ENOSF1: variants seen among roughly 807,000 people sequenced by gnomAD.
ENOSF1 encodes the protein mitochondrial enolase superfamily member 1.
Under a neutral mutation model 68.2 loss-of-function variants are expected in ENOSF1, and 73 were observed. The ratio of observed to expected loss-of-function variants is 1.07; its 90% CI spans 0.89 to 1.30. ENOSF1 has a LOEUF of 1.30. ENOSF1 is among the 50% of genes most tolerant of loss of function. The probability of loss-of-function intolerance (pLI) is 0.00; values close to 1 mark genes in which losing one functional copy is unlikely to be tolerated. For missense variants in ENOSF1, 589 were observed against 554.5 expected, an observed-to-expected ratio of 1.06 and a Z score of -0.62; for synonymous variants, 223 against 210.4, an observed-to-expected ratio of 1.06 and a Z score of -0.52.
Position 677,823 on chromosome 18 carries a change from T to G in ENOSF1, c.968A>C (p.Gln323Pro). The G allele has an allele frequency of 6.2e-7, 1 of 1,614,218 alleles. No homozygotes were observed. The highest frequency in any genetic ancestry group is 1.7e-5 in the Admixed American group (1 of 60,022). The part of the protein sequence containing the change: ...FKQLLQAKAL[Q>P]FLQIDSCRLG... The stretch of plus-strand genomic sequence containing the variant: ...TCTGCAACTGTCAATCTGGAGGAAC[T>G]GCAGGGCCTTCGCCTGTAGGAGTTG... Residue 323 changes from glutamine (Q) to proline (P), a missense_variant, in exon 13 of 16, where the codon CAG (glutamine) becomes CCG (proline). Transcript: ENST00000647584.
intron 1 of ENOSF1, among the ~76,000 whole-genome samples, chr18:710,259 C>A (rs1232337770): frequency 6.6e-6 from 1 of 152,160 alleles, no homozygotes; most frequent in Admixed American, 6.5e-5. Context: ...CAGGTGCATG[C>A]AACTACGCCC....
Position 697,503 on chromosome 18 carries a change from C to T in ENOSF1, c.194-148G>A, listed in dbSNP as rs9963315. 1.7e-4 allele frequency: 107 copies of T among 624,380 alleles called. No homozygotes were observed. The African/African-American group carries it at 1.7e-3, about 10-fold the overall frequency. The allele number at this position is 624,380 out of a possible 1,614,324, so 38.7% of individuals were successfully genotyped here. ...CGGTGGCTCATGCCTGTAATCTCAA[C>T]ACTTTGGGAGGCCACGGCAGGAGGA... On this transcript the variant is annotated intron_variant, in intron 2 of 15. Coordinates refer to ENST00000647584, the MANE Select transcript of ENOSF1 (RefSeq NM_017512.7).
chr18:693,570 G>C lies in ENOSF1; in HGVS notation c.423+312C>G, dbSNP rs1347248439. On this transcript the variant is annotated intron_variant, in intron 5 of 15. Transcript: ENST00000647584. ...TTAATTTTGTGAGGTTCCTAGAGAA[G>C]TTAGGATGATCCTCTTGTCATAGTC... The C allele has an allele frequency of 5.1e-6, 5 of 985,284 alleles. No individual in the cohort carries two copies. In the East Asian group the frequency reaches 5.7e-4, roughly 112 times the overall value. The allele number at this position is 985,284 out of a possible 1,614,324, so 61.0% of individuals were successfully genotyped here. A position where few individuals can be genotyped will look rare whatever the true frequency, so the allele number is the denominator to read the frequency against.
At position 674,165 on chromosome 18, in the gene ENOSF1, C is replaced by T; in HGVS notation, c.*140G>A. The T allele has an allele frequency of 1.6e-6, 1 of 630,272 alleles. No individual in the cohort carries two copies. The highest frequency in any genetic ancestry group is 2.8e-6 in the Non-Finnish European group (1 of 355,806). 39.0% of individuals were successfully genotyped at this position (630,272 alleles called of 1,614,324 possible). ...AAAGAATCAAGTAATAATTACTTAG[C>T]TGATTCCTGAGGGTGGTATGACTTC... On this transcript the variant is annotated 3_prime_UTR_variant, in exon 16 of 16. Coordinates refer to ENST00000647584, the MANE Select transcript of ENOSF1 (RefSeq NM_017512.7).
downstream of ENOSF1, among the ~76,000 whole-genome samples, chr18:667,316 AGATGGT>A (rs1291586647): frequency 1.5e-4 from 3 of 19,546 alleles, no homozygotes; most frequent in Non-Finnish European, 2.5e-4. Context: ...ATGGTGATGG[AGATGGT>A]GATGGTGATG....
downstream of ENOSF1, among the ~76,000 whole-genome samples, chr18:667,982 A>T (rs1195839203): frequency 1.0e-5 from 1 of 97,478 alleles, no homozygotes; most frequent in African/African-American, 5.4e-5. Flanking sequence ...TGTTTTACAG[A>T]TTCACAGGAA....
chr18:663,009 A>G, the ENOSF1 span, among the ~76,000 whole-genome samples: 1 of 142,838 alleles, frequency 7.0e-6, no homozygotes, highest in Admixed American at 6.9e-5. Context: ...GCATGATTTA[A>G]TAGTCCTTTG....
At chr18:702,666 G>C (rs2078486810) in intron 2 of ENOSF1, among the ~76,000 whole-genome samples, 1 of 152,066 alleles carries the variant, frequency 6.6e-6, no homozygotes, top group Admixed American at 6.6e-5. Flanking sequence ...TTTGAGTCTG[G>C]AAGGTCAAGG....
At chr18:692,875 T>G (rs2145089826) in intron 5 of ENOSF1, 2 of 1,100,932 alleles carry the variant, frequency 1.8e-6, no homozygotes, top group East Asian at 7.2e-5. Context: ...GTCTTCACTT[T>G]CCTCCGGAGG....
intron 1 of ENOSF1, among the ~76,000 whole-genome samples, chr18:709,942 T>G (rs555880828): frequency 6.6e-6 from 1 of 152,174 alleles, no homozygotes; most frequent in African/African-American, 2.4e-5. Flanking sequence ...CTCATTCTAA[T>G]AAGAAGGCAC....
chr18:706,978 T>C (rs1598815554), intron 1 of ENOSF1, among the ~76,000 whole-genome samples: 1 of 151,404 alleles, frequency 6.6e-6, no homozygotes, highest in African/African-American at 2.4e-5. Flanking sequence ...GCCACCACAC[T>C]TGGCTGATTT....
chr18:682,382 G>A (rs1400582778), intron 11 of ENOSF1, among the ~76,000 whole-genome samples: 1 of 152,140 alleles, frequency 6.6e-6, no homozygotes, highest in Non-Finnish European at 1.5e-5. Context: ...CTTAAACATA[G>A]GAAAGGTAAT....
chr18:694,743 C>A (rs918339980), intron 3 of ENOSF1, among the ~76,000 whole-genome samples: 1 of 151,568 alleles, frequency 6.6e-6, no homozygotes, highest in Non-Finnish European at 1.5e-5. Context: ...TTAAAAAAAA[C>A]AGTTGCTAAC....
intron 9 of ENOSF1, chr18:686,549 G>C (rs2076624760): frequency 1.3e-5 from 2 of 153,630 alleles, no homozygotes; most frequent in Non-Finnish European, 2.9e-5. Flanking sequence ...AGTGCGGCTG[G>C]AGCCTCCGTG....
Position 677,842 on chromosome 18 carries a change from G to A in ENOSF1, c.949C>T (p.Leu317=), listed in dbSNP as rs1322126981. 1.2e-6 allele frequency: 2 copies of A among 1,613,912 alleles called. No individual in the cohort carries two copies. The highest frequency in any genetic ancestry group is 1.7e-6 in the Non-Finnish European group (2 of 1,180,002). ...AGGAACTGCAGGGCCTTCGCCTGTA[G>A]GAGTTGCTTAAATATCACTCTATTG... ...CHNRVIFKQL[L]QAKALQFLQI... is the part of the protein sequence containing the mutation. The change falls in exon 13 of 16, where the codon CTA becomes TTA. Residue 317 remains leucine (L), a synonymous_variant. Transcript: ENST00000647584.
the ENOSF1 span, among the ~76,000 whole-genome samples, chr18:665,188 A>G: frequency 3.3e-5 from 5 of 151,180 alleles, no homozygotes; most frequent in African/African-American, 1.2e-4. Context: ...TATTGCCACA[A>G]TTTCAGCTCC....
intron 10 of ENOSF1, 104 bp from the exon 11 acceptor site, chr18:683,484 T>G: frequency 7.3e-7 from 1 of 1,374,372 alleles, no homozygotes; most frequent in Non-Finnish European, 1.0e-6. Flanking sequence ...CACCAACAGC[T>G]GAGTGAGACC....
In ENOSF1 at chr18:712,621, G is replaced by C. The variant is rs1366565984; in HGVS notation, c.-34C>G. 6.6e-7 allele frequency: 1 copy of C among 1,508,418 alleles called. No homozygotes were observed. Among genetic ancestry groups the C allele is most frequent in the Non-Finnish European group, 8.8e-7 (1 of 1,131,376 alleles). The allele number at this position is 1,508,418 out of a possible 1,614,324, so 93.4% of individuals were successfully genotyped here. On this transcript the variant is annotated 5_prime_UTR_variant, in exon 1 of 16. Transcript: ENST00000647584. ...CGCCCCGTGGCCGCGGCCCCCGTGCGGTCAGGACTGGTCGGGATCCCGAGC... is the reference window on the plus strand; with the variant it reads ...CGCCCCGTGGCCGCGGCCCCCGTGCCGTCAGGACTGGTCGGGATCCCGAGC...
intron 9 of ENOSF1, chr18:687,275 C>T (rs1270462606): frequency 6.6e-6 from 1 of 152,248 alleles, no homozygotes. Flanking sequence ...TCCGCGGCTT[C>T]ATGCTGCCTC....
Sources: allele counts gnomAD v4.1 joint callset (sites outside exome capture counted in the v4.1 genomes callset), GRCh38; gene constraint gnomAD v4.1.1; transcripts MANE v1.5; gene names NCBI Gene and HGNC (gene_info 2026-07-23, HGNC 2026-07-21).